The following LMBR1 variants were observed in gnomAD, a reference collection of about 807,000 sequenced individuals.
The protein encoded by LMBR1 is limb region 1 protein homolog.
In LMBR1, 52 loss-of-function variants were observed where a neutral mutation model predicts 73.9. The observed-to-expected ratio is 0.70, with a 90% CI of 0.56 to 0.89. The LOEUF (loss-of-function observed/expected upper bound fraction) is 0.89, where lower values mean the gene tolerates loss of function less well. Among genes scored for constraint, LMBR1 ranks in the 40% least tolerant of loss-of-function variants. The probability of loss-of-function intolerance (pLI) is 0.00; values close to 1 mark genes in which losing one functional copy is unlikely to be tolerated. For synonymous variants in LMBR1, 215 were observed against 209.4 expected, an observed-to-expected ratio of 1.03 and a Z score of -0.23; for missense variants, 539 against 579.8, an observed-to-expected ratio of 0.93 and a Z score of 0.72.
chr7:156,818,341 G>A (rs996741779), intron 4 of LMBR1, among the ~76,000 whole-genome samples: 21 of 152,150 alleles, frequency 1.4e-4, no homozygotes, highest in African/African-American at 5.1e-4. Flanking sequence ...CGGATTCATT[G>A]TGGTTATATT....
chr7:156,767,047 G>A (rs192694458), intron 5 of LMBR1, among the ~76,000 whole-genome samples: 15 of 152,172 alleles, frequency 9.9e-5, no homozygotes, highest in African/African-American at 3.6e-4. Flanking sequence ...TAACGGTGTG[G>A]GCCAGTCGCT....
intron 1 of LMBR1, among the ~76,000 whole-genome samples, chr7:156,874,940 C>T (rs1014466298): frequency 6.6e-6 from 1 of 152,104 alleles, no homozygotes; most frequent in African/African-American, 2.4e-5. Flanking sequence ...TGGATCCAAA[C>T]CAAGAAGAAA....
At chr7:156,790,903 C>T (rs778787794) in intron 5 of LMBR1, among the ~76,000 whole-genome samples, 1 of 152,150 alleles carries the variant, frequency 6.6e-6, no homozygotes. Flanking sequence ...ATAACCACAC[C>T]TTTACAGTAA....
intron 15 of LMBR1, among the ~76,000 whole-genome samples, chr7:156,704,215 C>T (rs751884988): frequency 6.6e-6 from 1 of 152,190 alleles, no homozygotes; most frequent in Non-Finnish European, 1.5e-5. Flanking sequence ...GCTTAGCCCA[C>T]CACTGCTACC....
rs541657234 is a variant in LMBR1 at position 156,716,459 on chromosome 7, A to C, written c.1225+7653T>G. ...AAGACAGACTAAAATCCAATGAAAG[A>C]GAATTATAATTAGAGTCCAGGAAAG... is the stretch of plus-strand genomic sequence containing the variant. On this transcript the variant is annotated intron_variant, in intron 15 of 16. Coordinates refer to ENST00000353442, the MANE Select transcript of LMBR1 (RefSeq NM_022458.4). Among the ~76,000 whole-genome samples the C allele has an allele frequency of 1.8e-4, 27 of 152,320 alleles. No homozygotes were observed. The East Asian group carries it at 5.2e-3, about 29-fold the overall frequency.
At chr7:156,695,923 T>C (rs368005176) in intron 15 of LMBR1, among the ~76,000 whole-genome samples, 9 of 148,170 alleles carry the variant, frequency 6.1e-5, no homozygotes, top group East Asian at 3.9e-4. Context: ...ATGTGGACAA[T>C]TGGCTTTCAA....
At chr7:156,812,925 C>T (rs1050892246) in intron 4 of LMBR1, among the ~76,000 whole-genome samples, 1 of 152,200 alleles carries the variant, frequency 6.6e-6, no homozygotes, top group African/African-American at 2.4e-5. Context: ...TGGAAATTCT[C>T]TCAAGGCAGC....
rs763305824 is a variant in LMBR1, at chr7:156,784,215, G to A, written c.423+12174C>T. On this transcript the variant is annotated intron_variant, in intron 5 of 16. Transcript: ENST00000353442. ...CTACTAACTCTTTGAGTAATACACC[G>A]AGTTTGGGGCCTCTCACGGTGTTGG... Among the ~76,000 whole-genome samples the A allele has an allele frequency of 1.1e-4, 16 of 152,136 alleles. 1 individual carries two copies. Among genetic ancestry groups the A allele is most frequent in the Non-Finnish European group, 1.6e-4 (11 of 67,994 alleles).
chr7:156,738,635 C>T (rs142805031), intron 9 of LMBR1, among the ~76,000 whole-genome samples: 1 of 152,306 alleles, frequency 6.6e-6, no homozygotes, highest in Non-Finnish European at 1.5e-5. Flanking sequence ...AGCTCAGCCA[C>T]AGTACAATAG....
chr7:156,782,393 ATT>A (rs1827303706), intron 5 of LMBR1, among the ~76,000 whole-genome samples: 1 of 152,122 alleles, frequency 6.6e-6, no homozygotes, highest in African/African-American at 2.4e-5. Context: ...AAATCGTCAT[ATT>A]GTTTTCCACA....
At chr7:156,772,614 G>A (rs992172275) in intron 5 of LMBR1, among the ~76,000 whole-genome samples, 15 of 152,150 alleles carry the variant, frequency 9.9e-5, no homozygotes, top group Non-Finnish European at 1.6e-4. Context: ...TTGGGAGGCC[G>A]AGCTGGGTGG....
intron 10 of LMBR1, among the ~76,000 whole-genome samples, chr7:156,730,667 G>A (rs995825810): frequency 7.2e-5 from 11 of 152,210 alleles, no homozygotes; most frequent in Admixed American, 3.3e-4. Context: ...GGCCAGGCAC[G>A]GTGGCTCACG....
intron 1 of LMBR1, among the ~76,000 whole-genome samples, chr7:156,859,246 C>T (rs1166324464): frequency 3.5e-5 from 1 of 28,970 alleles, no homozygotes; most frequent in East Asian, 1.3e-3. Flanking sequence ...GAAACTCCGT[C>T]TCAAAAAAAA....
At chr7:156,724,484 TCTGC>T (rs1359297496) in intron 14 of LMBR1, among the ~76,000 whole-genome samples, 1 of 152,166 alleles carries the variant, frequency 6.6e-6, no homozygotes, top group East Asian at 1.9e-4. Context: ...TTCAAAAGGC[TCTGC>T]CTGTCAAGCA....
At chr7:156,774,587 T>C (rs1405380535) in intron 5 of LMBR1, among the ~76,000 whole-genome samples, 1 of 152,134 alleles carries the variant, frequency 6.6e-6, no homozygotes, top group Non-Finnish European at 1.5e-5. Flanking sequence ...ATCCCAGCAC[T>C]TTGGGAGGCT....
downstream of LMBR1, chr7:156,676,223 G>C: frequency 6.7e-7 from 1 of 1,500,424 alleles, no homozygotes; most frequent in Non-Finnish European, 8.9e-7. Context: ...CAGTTCCCAG[G>C]AGTAACAGAG....
chr7:156,758,085 G>A (rs1285317110), intron 8 of LMBR1, among the ~76,000 whole-genome samples: 1 of 152,206 alleles, frequency 6.6e-6, no homozygotes, highest in African/African-American at 2.4e-5. Flanking sequence ...TCTCCAAAGA[G>A]GGAACATTTA....
rs1815633653 is a variant in LMBR1 at position 156,725,853 on chromosome 7, G to C, written c.994-16C>G. 2 of 1,603,846 alleles carry C rather than the reference G, an allele frequency of 1.2e-6. No homozygotes were observed. On this transcript the variant is annotated splice_polypyrimidine_tract_variant and intron_variant, in intron 12 of 16. Coordinates refer to ENST00000353442, the MANE Select transcript of LMBR1 (RefSeq NM_022458.4). ...TTCCAGGCCCCTGGGGTGGGAGAAA[G>C]ACACTTTTCAGAATTTGATGACACC...
intron 4 of LMBR1, among the ~76,000 whole-genome samples, chr7:156,805,017 C>T (rs1831748687): frequency 1.3e-5 from 2 of 151,966 alleles, no homozygotes. Context: ...GCGAATGGTG[C>T]CAGGTATGGA....
Sources: allele counts gnomAD v4.1 joint callset (sites outside exome capture counted in the v4.1 genomes callset), GRCh38; gene constraint gnomAD v4.1.1; transcripts MANE v1.5; gene names NCBI Gene and HGNC (gene_info 2026-07-23, HGNC 2026-07-21).